The following GRK1 variants were observed in gnomAD, a reference collection of about 807,000 sequenced individuals.
The protein encoded by GRK1 is rhodopsin kinase GRK1.
Under a neutral mutation model 41.7 loss-of-function variants are expected in GRK1, and 28 were observed. The observed-to-expected ratio is 0.67, with a 90% CI of 0.50 to 0.92. GRK1 has a LOEUF of 0.92. Ranked by LOEUF, GRK1 falls within the 40% of genes least tolerant of loss-of-function variation. The probability of loss-of-function intolerance (pLI) is 0.00; values close to 1 mark genes in which losing one functional copy is unlikely to be tolerated. For synonymous variants in GRK1, 327 were observed against 286.7 expected (o/e 1.14, Z -1.42); for missense variants, 703 against 671.2 (o/e 1.05, Z -0.52).
chr13:113,667,560 T>TGA lies in GRK1; in HGVS notation c.178_179dup (p.Ser60ArgfsTer72). 1 of 1,613,596 alleles carries TGA rather than the reference T, an allele frequency of 6.2e-7. No individual in the cohort carries two copies. Among genetic ancestry groups the TGA allele is most frequent in the Non-Finnish European group, 8.5e-7 (1 of 1,179,878 alleles). ...TCCGCGACAGCCTCAGCCTGGAGTT[T>TGA]GAGAGTGTGTGCTTGGAGCAGCCCA... On this transcript the variant is annotated frameshift_variant, in exon 1 of 7. Coordinates refer to ENST00000335678, the MANE Select transcript of GRK1 (RefSeq NM_002929.3). LOFTEE classifies it high-confidence loss of function. This position sits in a 1 kb window ranked among gnomAD's most constrained non-coding sequence, Gnocchi z 7.5.
chr13:113,668,133 G>T (rs1420612469), intron 1 of GRK1, 48 bp downstream of exon 1: 3 of 1,551,596 alleles, frequency 1.9e-6, no homozygotes, highest in East Asian at 2.4e-5. Context: ...AGGGTGCAGG[G>T]ATGGGGCGGC....
the GRK1 span, chr13:113,652,840 T>C: frequency 1.2e-6 from 2 of 1,608,218 alleles, no homozygotes; most frequent in South Asian, 1.1e-5. Flanking sequence ...TGCACTGTTG[T>C]AGTGGCGTGT....
the GRK1 span, among the ~76,000 whole-genome samples, chr13:113,661,987 C>G: frequency 1.3e-5 from 2 of 152,258 alleles, no homozygotes; most frequent in Middle Eastern, 3.4e-3. Flanking sequence ...ACCAGTGTTA[C>G]CTTTATAACA....
At chr13:113,733,702 T>TGCGTGTGTGCGCAC (rs2140735366) in intron 6 of GRK1, among the ~76,000 whole-genome samples, 1 of 145,002 alleles carries the variant, frequency 6.9e-6, no homozygotes, top group East Asian at 2.1e-4. Flanking sequence ...CATACATGTG[T>TGCGTGTGTGCGCAC]GCGTGTGTGC....
chr13:113,671,839 G>A lies in GRK1; in HGVS notation c.985+183G>A, dbSNP rs2049860080. Among the ~76,000 whole-genome samples the A allele has an allele frequency of 6.6e-6, 1 of 152,136 alleles. No homozygotes were observed. Among genetic ancestry groups the A allele is most frequent in the Non-Finnish European group, 1.5e-5 (1 of 68,014 alleles). ...GGCACCAGGAGTCACAGGAGTGAGT[G>A]CAGGGGTCTGTGGTGCAGAACCAGC... On this transcript the variant is annotated intron_variant, in intron 3 of 6. Transcript: ENST00000335678. This position sits in a 1 kb window ranked among gnomAD's most constrained non-coding sequence, Gnocchi z 4.1.
chr13:113,669,553 G>A, intron 1 of GRK1, 134 bp from the exon 2 acceptor site: 1 of 1,029,002 alleles, frequency 9.7e-7, no homozygotes, highest in African/African-American at 1.6e-5. Flanking sequence ...CTTTGTGAAA[G>A]GCGCATTTAA....
At position 113,733,528 on chromosome 13, in the gene GRK1, C is replaced by T. The variant is rs564513609; in HGVS notation, c.1396+443C>T. ...GTGTGCACGTGTGTGTGCATGTGTG[C>T]GCGTGTGTGCATGCGTGTGCGCGCA... On this transcript the variant is annotated intron_variant, in intron 6 of 6. Transcript: ENST00000335678. 9.6e-3 allele frequency among the ~76,000 whole-genome samples: 1,061 copies of T among 110,230 alleles called. 13 individuals are homozygous for T. The highest frequency in any genetic ancestry group is 0.029 in the African/African-American group (963 of 32,814). The allele number at this position is 110,230 out of a possible 152,430, so 72.3% of individuals were successfully genotyped here.
intron 5 of GRK1, among the ~76,000 whole-genome samples, chr13:113,732,461 T>C (rs1313431215): frequency 6.6e-6 from 1 of 152,162 alleles, no homozygotes; most frequent in East Asian, 1.9e-4. Flanking sequence ...CTTCACACTG[T>C]ACCCACTGGT....
chr13:113,667,523 A>C lies in GRK1; in HGVS notation c.137A>C (p.Lys46Thr). 1 of 1,613,378 alleles carries C rather than the reference A, an allele frequency of 6.2e-7. No homozygotes were observed. The change falls in exon 1 of 7, where the codon AAG becomes ACG. Residue 46 changes from lysine (K) to threonine (T), a missense_variant. Lys to Thr is a moderately conservative substitution (Grantham distance 78). Coordinates refer to ENST00000335678, the MANE Select transcript of GRK1 (RefSeq NM_002929.3). The surrounding 1 kb of genome is among the most constrained non-coding windows in gnomAD (Gnocchi z 7.5). ...AAGCTCAAGCTGCCCCCGCTGTCCAAGTGTGAGTCCCTCCGCGACAGCCTC... is the reference window on the plus strand; with the variant it reads ...AAGCTCAAGCTGCCCCCGCTGTCCACGTGTGAGTCCCTCCGCGACAGCCTC... Reference protein sequence around the residue: ...LAKLKLPPLSKCESLRDSLSL... With the variant: ...LAKLKLPPLSTCESLRDSLSL...
chr13:113,729,834 G>A (rs1452540083), intron 4 of GRK1, among the ~76,000 whole-genome samples: 12 of 141,342 alleles, frequency 8.5e-5, no homozygotes, highest in African/African-American at 1.9e-4. Context: ...GCCCAGACCC[G>A]TCCTTCCATC....
intron 6 of GRK1, 107 bp from the exon 7 acceptor site, chr13:113,734,961 C>A: frequency 1.7e-6 from 2 of 1,145,236 alleles, no homozygotes; most frequent in Non-Finnish European, 2.4e-6. Flanking sequence ...AAGAGCGGCC[C>A]CAGGCCTTTG....
At chr13:113,656,901 C>T in the GRK1 span, among the ~76,000 whole-genome samples, 7 of 152,252 alleles carry the variant, frequency 4.6e-5, no homozygotes, top group East Asian at 3.9e-4. Context: ...GCCCAGCCCC[C>T]GCCCTCAGCT....
chr13:113,668,746 C>T (rs367853094), intron 1 of GRK1, among the ~76,000 whole-genome samples: 233 of 152,360 alleles, frequency 1.5e-3, no homozygotes, highest in African/African-American at 5.2e-3. Context: ...CGGGTGTGGA[C>T]GTGATCTCCT....
chr13:113,671,389 C>A lies in GRK1; in HGVS notation c.828-110C>A, dbSNP rs1378714263. The A allele has an allele frequency of 4.1e-6, 3 of 730,246 alleles. No homozygotes were observed. The highest frequency in any genetic ancestry group is 7.5e-6 in the Non-Finnish European group (3 of 398,192). The allele number at this position is 730,246 out of a possible 1,614,324, so 45.2% of individuals were successfully genotyped here. A position where few individuals can be genotyped will look rare whatever the true frequency, so the allele number is the denominator to read the frequency against. Reference sequence around the variant, plus strand: ...GACGTAGGGGGGCCAGGCCTCAAAACGACCAGAACGCTGGCCGAGAGACAT... The same window carrying A: ...GACGTAGGGGGGCCAGGCCTCAAAAAGACCAGAACGCTGGCCGAGAGACAT... On this transcript the variant is annotated intron_variant, in intron 2 of 6. Transcript: ENST00000335678. The surrounding 1 kb of genome is among the most constrained non-coding windows in gnomAD (Gnocchi z 4.1).
chr13:113,731,124 G>T lies in GRK1; in HGVS notation c.1070-95G>T, dbSNP rs867044401. On this transcript the variant is annotated intron_variant, in intron 4 of 6. Coordinates refer to ENST00000335678, the MANE Select transcript of GRK1 (RefSeq NM_002929.3). This position sits in a 1 kb window ranked among gnomAD's most constrained non-coding sequence, Gnocchi z 5.6. ...GTGGAGAGTGCTGAGGCCCCGGGGG[G>T]GATGCATCCCCAGAGCATCAGTCCT... 2.0e-6 allele frequency: 3 copies of T among 1,464,708 alleles called. No individual in the cohort carries two copies. The highest frequency in any genetic ancestry group is 1.3e-5 in the South Asian group (1 of 74,452). 90.7% of individuals were successfully genotyped at this position (1,464,708 alleles called of 1,614,324 possible).
At chr13:113,659,003 C>T in the GRK1 span, among the ~76,000 whole-genome samples, 1 of 152,150 alleles carries the variant, frequency 6.6e-6, no homozygotes, top group Non-Finnish European at 1.5e-5. Flanking sequence ...GATGCTCAGC[C>T]TGGGCAGTAC....
chr13:113,670,762 C>T (rs2049851369), intron 2 of GRK1, among the ~76,000 whole-genome samples: 1 of 126,410 alleles, frequency 7.9e-6, no homozygotes, highest in Admixed American at 8.5e-5. Context: ...ACGGGGTGCC[C>T]AGGCGGAGGG....
chr13:113,733,694 T>C (rs1278796273), intron 6 of GRK1, among the ~76,000 whole-genome samples: 2 of 142,310 alleles, frequency 1.4e-5, no homozygotes, highest in Non-Finnish European at 3.1e-5. Context: ...TATGTGTGCA[T>C]ACATGTGTGC....
chr13:113,669,915 C>CA, intron 2 of GRK1, 101 bp downstream of exon 2: 1 of 1,429,224 alleles, frequency 7.0e-7, no homozygotes, highest in Non-Finnish European at 9.5e-7. Flanking sequence ...ATGGTGGCCC[C>CA]AGGCCTGCCC....
Sources: allele counts gnomAD v4.1 joint callset (sites outside exome capture counted in the v4.1 genomes callset), GRCh38; gene constraint gnomAD v4.1.1; non-coding constraint Gnocchi (gnomAD v3.1); transcripts MANE v1.5; gene names NCBI Gene and HGNC (gene_info 2026-07-23, HGNC 2026-07-21).